Variants in MCTP1 observed in about 807,000 individuals in gnomAD.
MCTP1 encodes the protein multiple C2 and transmembrane domain containing 1.
Under a neutral mutation model 120.6 loss-of-function variants are expected in MCTP1, and 69 were observed. The ratio of observed to expected loss-of-function variants is 0.57; its 90% CI spans 0.47 to 0.70. MCTP1 has a LOEUF of 0.70. MCTP1 is among the 30% of genes least tolerant of loss of function. MCTP1 has a pLI of 0.00. For synonymous variants in MCTP1, 529 were observed against 493.1 expected (o/e 1.07, Z -0.96); for missense variants, 1,203 against 1,248.8 (o/e 0.96, Z 0.55).
intron 17 of MCTP1, among the ~76,000 whole-genome samples, chr5:94,847,682 GTA>G (rs373174876): frequency 0.02 from 2,032 of 102,298 alleles, 27 homozygotes; most frequent in African/African-American, 0.037. Flanking sequence ...GTGTGTGTGT[GTA>G]TATATATATA....
intron 1 of MCTP1, among the ~76,000 whole-genome samples, chr5:95,157,544 T>A (rs771451979): frequency 1.3e-5 from 2 of 152,186 alleles, no homozygotes; most frequent in East Asian, 3.8e-4. Context: ...CCATGGTCAG[T>A]GGTATAAATA....
intron 21 of MCTP1, 134 bp downstream of exon 21, chr5:94,710,684 C>T (rs1427726247): frequency 1.7e-6 from 1 of 601,922 alleles, no homozygotes; most frequent in African/African-American, 1.9e-5. Flanking sequence ...TTTTAACCAA[C>T]CTGTCTCTTT....
intron 2 of MCTP1, among the ~76,000 whole-genome samples, chr5:94,963,889 A>G (rs1824959888): frequency 6.6e-6 from 1 of 152,178 alleles, no homozygotes; most frequent in Admixed American, 6.5e-5. Flanking sequence ...GTCATTGCCA[A>G]GACCAATGTC....
chr5:95,230,673 T>C (rs2152646743), intron 1 of MCTP1, among the ~76,000 whole-genome samples: 1 of 152,266 alleles, frequency 6.6e-6, no homozygotes, highest in South Asian at 2.1e-4. Context: ...CAGCAGGATA[T>C]AAATAACTCC....
intron 1 of MCTP1, among the ~76,000 whole-genome samples, chr5:95,073,307 C>A (rs1459247060): frequency 6.6e-6 from 1 of 152,204 alleles, no homozygotes; most frequent in Non-Finnish European, 1.5e-5. Context: ...CATTAGATTT[C>A]TCTCATCCAG....
intron 19 of MCTP1, among the ~76,000 whole-genome samples, chr5:94,738,537 TCCACCTCA>T (rs1425400586): frequency 6.6e-6 from 1 of 152,120 alleles, no homozygotes; most frequent in Non-Finnish European, 1.5e-5. Flanking sequence ...CAGCACCCTC[TCCACCTCA>T]CCTCTACCTT....
intron 1 of MCTP1, among the ~76,000 whole-genome samples, chr5:95,030,846 G>T (rs1840148062): frequency 6.6e-6 from 1 of 151,662 alleles, no homozygotes; most frequent in South Asian, 2.1e-4. Flanking sequence ...AACAGATAAA[G>T]AACTCAAAAT....
At chr5:95,042,872 T>C (rs150032125) in intron 1 of MCTP1, among the ~76,000 whole-genome samples, 96 of 152,332 alleles carry the variant, frequency 6.3e-4, no homozygotes, top group African/African-American at 2.1e-3. Flanking sequence ...TACCATAATT[T>C]ATTTAATCTG....
chr5:95,172,737 GA>G (rs1367611511), intron 1 of MCTP1, among the ~76,000 whole-genome samples: 1 of 152,162 alleles, frequency 6.6e-6, no homozygotes, highest in African/African-American at 2.4e-5. Context: ...GGATCTGAGT[GA>G]GAGAACTATG....
intron 17 of MCTP1, among the ~76,000 whole-genome samples, chr5:94,850,841 A>G (rs1415741720): frequency 6.6e-6 from 1 of 152,138 alleles, no homozygotes; most frequent in Non-Finnish European, 1.5e-5. Context: ...AGAGTGATCA[A>G]TCACAAAATT....
chr5:94,797,006 G>A (rs1044207213), intron 18 of MCTP1, among the ~76,000 whole-genome samples: 1 of 152,112 alleles, frequency 6.6e-6, no homozygotes, highest in Non-Finnish European at 1.5e-5. Flanking sequence ...ATGGCTAAAA[G>A]AGGAGCGTGT....
chr5:95,177,408 TCC>T (rs1748125640), intron 1 of MCTP1, among the ~76,000 whole-genome samples: 1 of 152,234 alleles, frequency 6.6e-6, no homozygotes, highest in African/African-American at 2.4e-5. Context: ...AATTCTATGA[TCC>T]ATTGGCTGGA....
At chr5:95,127,846 G>A (rs1418459911) in intron 1 of MCTP1, among the ~76,000 whole-genome samples, 4 of 152,182 alleles carry the variant, frequency 2.6e-5, no homozygotes, top group Admixed American at 2.0e-4. Context: ...AAAGATGGAG[G>A]CATAATGTCT....
intron 1 of MCTP1, among the ~76,000 whole-genome samples, chr5:95,065,144 A>G (rs1319851457): frequency 1.3e-5 from 2 of 151,924 alleles, no homozygotes; most frequent in Non-Finnish European, 2.9e-5. Context: ...TACTAAAATT[A>G]TTATTAATTA....
At position 94,703,849 on chromosome 5, in the gene MCTP1, T is replaced by C. The variant is rs1025185438; in HGVS notation, c.*3647A>G. On this transcript the variant is annotated 3_prime_UTR_variant, in exon 23 of 23. Coordinates refer to ENST00000515393, the MANE Select transcript of MCTP1 (RefSeq NM_024717.7). ...GGACATTTGATAGTTTTTATTTGCA[T>C]ACTATTTTTTAATGAGATTTTTCAA... The C allele has an allele frequency of 6.6e-6, 1 of 151,464 alleles. No homozygotes were observed. Among genetic ancestry groups the C allele is most frequent in the Non-Finnish European group, 1.5e-5 (1 of 67,674 alleles). The allele number at this position is 151,464 out of a possible 1,614,324, so 9.4% of individuals were successfully genotyped here. A position where few individuals can be genotyped will look rare whatever the true frequency, so the allele number is the denominator to read the frequency against.
At chr5:95,077,062 CAATTGACT>C (rs1322047610) in intron 1 of MCTP1, among the ~76,000 whole-genome samples, 1 of 152,208 alleles carries the variant, frequency 6.6e-6, no homozygotes, top group Non-Finnish European at 1.5e-5. Flanking sequence ...TGATCACTCA[CAATTGACT>C]AATTGTGCCA....
At chr5:95,183,343 G>A (rs1017134314) in intron 1 of MCTP1, among the ~76,000 whole-genome samples, 6 of 151,228 alleles carry the variant, frequency 4.0e-5, no homozygotes, top group Admixed American at 6.6e-5. Context: ...TGAAACATAG[G>A]AGAAAAATTT....
In MCTP1 at chr5:95,283,980, G is replaced by A. The variant is rs754038525; in HGVS notation, c.596C>T (p.Ser199Phe). 9.7e-6 allele frequency: 14 copies of A among 1,447,986 alleles called. No homozygotes were observed. Among genetic ancestry groups the A allele is most frequent in the Middle Eastern group, 2.1e-4 (1 of 4,772 alleles). 89.7% of individuals were successfully genotyped at this position (1,447,986 alleles called of 1,614,324 possible). A position where few individuals can be genotyped will look rare whatever the true frequency, so the allele number is the denominator to read the frequency against. Residue 199 changes from serine to phenylalanine, a missense_variant, in exon 1 of 23, where the codon TCC (serine) becomes TTC (phenylalanine). Ser to Phe is a radical substitution (Grantham distance 155). Around this residue, in one of 2 missense-constraint regions of MCTP1, gnomAD observed 463 missense variants for 377.8 expected, o/e 1.23. Transcript: ENST00000515393. The part of the protein sequence containing the change: ...PGAHLCHQKS[S>F]SLPGTACLEQ... Reference sequence around the variant, plus strand: ...CAGGCAGGCGGTGCCCGGCAGAGAGGAGCTCTTCTGGTGGCACAAGTGCGC... The same window carrying A: ...CAGGCAGGCGGTGCCCGGCAGAGAGAAGCTCTTCTGGTGGCACAAGTGCGC...
intron 2 of MCTP1, among the ~76,000 whole-genome samples, chr5:94,965,953 C>T (rs879490859): frequency 1.1e-4 from 17 of 152,134 alleles, no homozygotes; most frequent in Non-Finnish European, 2.4e-4. Flanking sequence ...GACACCAAAC[C>T]GGCCGGTGCT....
Sources: allele counts gnomAD v4.1 joint callset (sites outside exome capture counted in the v4.1 genomes callset), GRCh38; gene constraint gnomAD v4.1.1; regional missense constraint gnomAD v4.1.1; transcripts MANE v1.5; gene names NCBI Gene and HGNC (gene_info 2026-07-23, HGNC 2026-07-21).